Variants in EPB41L3 observed in about 807,000 individuals in gnomAD.
The protein encoded by EPB41L3 is band 4.1-like protein 3.
In EPB41L3, 57 loss-of-function variants were observed where a neutral mutation model predicts 127.1. The ratio of observed to expected loss-of-function variants is 0.45; its 90% CI spans 0.36 to 0.56. The LOEUF (loss-of-function observed/expected upper bound fraction) is 0.56, where lower values mean the gene tolerates loss of function less well. Among genes scored for constraint, EPB41L3 ranks in the 20% least tolerant of loss-of-function variants. The pLI is 0.00. For missense variants in EPB41L3, 1,273 were observed against 1,372.2 expected, an observed-to-expected ratio of 0.93 and a Z score of 1.14; for synonymous variants, 572 against 549.5, an observed-to-expected ratio of 1.04 and a Z score of -0.57.
intron 3 of EPB41L3, among the ~76,000 whole-genome samples, chr18:5,468,684 G>A (rs896720702): frequency 9.2e-5 from 14 of 152,176 alleles, no homozygotes; most frequent in African/African-American, 2.7e-4. Context: ...CCGCAGAGGC[G>A]GGCAGATCAT....
intron 1 of EPB41L3, among the ~76,000 whole-genome samples, chr18:5,501,691 T>C (rs1451469366): frequency 2.0e-5 from 3 of 152,222 alleles, no homozygotes; most frequent in African/African-American, 7.2e-5. Flanking sequence ...TCTGGCATTC[T>C]TGGAGAGTCT....
rs943362892 is a variant in EPB41L3, at chr18:5,543,049, G to A, written c.-12+864C>T. ...ACCTCCCGAGGAGAATCGCGGCCCC[G>A]AGGGCGCCAGGTGAGTCGCGCCGCC... On this transcript the variant is annotated intron_variant, in intron 1 of 22. Coordinates refer to ENST00000341928, the MANE Select transcript of EPB41L3 (RefSeq NM_012307.5). The surrounding 1 kb of genome is among the most constrained non-coding windows in gnomAD (Gnocchi z 5.2). 5.3e-5 allele frequency among the ~76,000 whole-genome samples: 8 copies of A among 151,892 alleles called. No homozygotes were observed. The highest frequency in any genetic ancestry group is 1.3e-4 in the Admixed American group (2 of 15,264).
chr18:5,622,110 C>T (rs971750256), intron 1 of EPB41L3, among the ~76,000 whole-genome samples: 1 of 151,722 alleles, frequency 6.6e-6, no homozygotes, highest in African/African-American at 2.4e-5. Flanking sequence ...TTTAAATATA[C>T]TCAGGACTAA....
intron 3 of EPB41L3, among the ~76,000 whole-genome samples, chr18:5,465,018 T>C: frequency 6.6e-6 from 1 of 152,206 alleles, no homozygotes; most frequent in East Asian, 1.9e-4. Flanking sequence ...ACAAGTGGCG[T>C]GTGTGTAATT....
chr18:5,527,010 T>TAAA lies in EPB41L3; in HGVS notation c.-12+16900_-12+16902dup, dbSNP rs33920388. ...ACAAGACAATAGAATATTCATTGGT[T>TAAA]AAAAAAAAAAAAAAAACTGTTTACC... On this transcript the variant is annotated intron_variant, in intron 1 of 22. Coordinates refer to ENST00000341928, the MANE Select transcript of EPB41L3 (RefSeq NM_012307.5). Among the ~76,000 whole-genome samples the TAAA allele has an allele frequency of 2.7e-3, 374 of 139,748 alleles. 2 individuals carry two copies. Among genetic ancestry groups the TAAA allele is most frequent in the African/African-American group, 9.1e-3 (350 of 38,432 alleles). The allele number at this position is 139,748 out of a possible 152,430, so 91.7% of individuals were successfully genotyped here. A position where few individuals can be genotyped will look rare whatever the true frequency, so the allele number is the denominator to read the frequency against.
At chr18:5,532,898 G>C (rs1259645522) in intron 1 of EPB41L3, among the ~76,000 whole-genome samples, 4 of 151,984 alleles carry the variant, frequency 2.6e-5, no homozygotes, top group African/African-American at 9.7e-5. Flanking sequence ...GATCAAGCTG[G>C]AATCCAACTC....
chr18:5,504,338 A>G (rs1449094509), intron 1 of EPB41L3, among the ~76,000 whole-genome samples: 3 of 152,078 alleles, frequency 2.0e-5, no homozygotes, highest in South Asian at 2.1e-4. Context: ...TTTATTTTAG[A>G]TCAAATCTCT....
chr18:5,436,436 TCTCA>T (rs1169585631), intron 6 of EPB41L3, among the ~76,000 whole-genome samples: 3 of 129,064 alleles, frequency 2.3e-5, no homozygotes, highest in Non-Finnish European at 4.7e-5. Context: ...TGAGACGGAG[TCTCA>T]CTCTGTTGCC....
intron 1 of EPB41L3, among the ~76,000 whole-genome samples, chr18:5,526,132 C>G (rs567081806): frequency 7.9e-5 from 12 of 152,130 alleles, no homozygotes; most frequent in Non-Finnish European, 1.3e-4. Context: ...TTTGCTGTTC[C>G]AGGCCTGAGA....
At chr18:5,464,152 G>A (rs1467628803) in intron 3 of EPB41L3, among the ~76,000 whole-genome samples, 2 of 152,000 alleles carry the variant, frequency 1.3e-5, no homozygotes, top group South Asian at 2.1e-4. Context: ...TAAATATCAC[G>A]CACATAGTTA....
At chr18:5,530,130 A>T (rs906284421) in intron 1 of EPB41L3, among the ~76,000 whole-genome samples, 4 of 152,138 alleles carry the variant, frequency 2.6e-5, no homozygotes, top group African/African-American at 7.2e-5. Flanking sequence ...TCTTCCCTGG[A>T]TAGTAACATT....
In EPB41L3 at chr18:5,540,573, GCTGA is replaced by G. The variant is rs1397678897; in HGVS notation, c.-12+3336_-12+3339del. 8 of 984,914 alleles carry G rather than the reference GCTGA, an allele frequency of 8.1e-6. No homozygotes were observed. In the African/African-American group the frequency reaches 1.2e-4, roughly 15 times the overall value. 61.0% of individuals were successfully genotyped at this position (984,914 alleles called of 1,614,324 possible). On this transcript the variant is annotated intron_variant, in intron 1 of 22. Coordinates refer to ENST00000341928, the MANE Select transcript of EPB41L3 (RefSeq NM_012307.5). ...TCAAATAACAGCAGAACCCTCCCGG[GCTGA>G]GTGCCTGATGAATTCCCAACAAATC...
At position 5,514,355 on chromosome 18, in the gene EPB41L3, T is replaced by C. The variant is rs112784382; in HGVS notation, c.-11-25161A>G. ...AAATGGCACAAAATGTTCTCCAACA[T>C]TTTATATGTAATTTAAAACCATAAC... On this transcript the variant is annotated intron_variant, in intron 1 of 22. Coordinates refer to ENST00000341928, the MANE Select transcript of EPB41L3 (RefSeq NM_012307.5). Among the ~76,000 whole-genome samples, 242 of 152,340 alleles carry C rather than the reference T, an allele frequency of 1.6e-3. 1 individual carries two copies. The highest frequency in any genetic ancestry group is 2.1e-3 in the Non-Finnish European group (144 of 68,024).
intron 13 of EPB41L3, 116 bp from the exon 14 acceptor site, chr18:5,410,735 C>A: frequency 1.3e-6 from 1 of 745,610 alleles, no homozygotes; most frequent in East Asian, 2.9e-5. Context: ...TCTGTGATTT[C>A]TCTGTGTCAC....
intron 1 of EPB41L3, among the ~76,000 whole-genome samples, chr18:5,516,524 T>A (rs1453509222): frequency 1.3e-5 from 2 of 152,334 alleles, no homozygotes; most frequent in East Asian, 3.9e-4. Flanking sequence ...GGACAGTGTT[T>A]GTAACACTAT....
intron 3 of EPB41L3, among the ~76,000 whole-genome samples, chr18:5,466,044 A>G (rs1176963960): frequency 4.6e-5 from 7 of 152,072 alleles, no homozygotes; most frequent in South Asian, 2.1e-4. Context: ...TTTCCTCTCT[A>G]TATTTCATTA....
intron 1 of EPB41L3, among the ~76,000 whole-genome samples, chr18:5,533,210 C>T (rs1041183830): frequency 3.3e-5 from 5 of 152,110 alleles, no homozygotes; most frequent in East Asian, 3.9e-4. Flanking sequence ...TGCCTCTTTG[C>T]GCCAAGACAC....
intron 3 of EPB41L3, among the ~76,000 whole-genome samples, chr18:5,595,515 C>T (rs984648474): frequency 2.6e-5 from 4 of 152,126 alleles, no homozygotes; most frequent in Non-Finnish European, 5.9e-5. Flanking sequence ...ACCCTAGGGG[C>T]CATCTCACGT....
At chr18:5,475,405 T>C (rs189061441) in intron 3 of EPB41L3, among the ~76,000 whole-genome samples, 2 of 152,178 alleles carry the variant, frequency 1.3e-5, no homozygotes, top group Non-Finnish European at 2.9e-5. Context: ...CCCTCCCCAG[T>C]CCGGTGGCTT....
Sources: allele counts gnomAD v4.1 joint callset (sites outside exome capture counted in the v4.1 genomes callset), GRCh38; gene constraint gnomAD v4.1.1; non-coding constraint Gnocchi (gnomAD v3.1); transcripts MANE v1.5; gene names NCBI Gene and HGNC (gene_info 2026-07-23, HGNC 2026-07-21).